WDR75: variants seen among roughly 807,000 people sequenced by gnomAD.
WDR75 encodes WD repeat-containing protein 75.
A neutral mutation model predicts 106.1 loss-of-function variants in WDR75; 52 were observed. The observed-to-expected ratio is 0.49, with a 90% CI of 0.39 to 0.62. WDR75 has a LOEUF of 0.62. WDR75 is among the 20% of genes least tolerant of loss of function. WDR75 has a pLI of 0.00. For missense variants in WDR75, 905 were observed against 970.3 expected, an observed-to-expected ratio of 0.93 and a Z score of 0.89; for synonymous variants, 333 against 335.5, an observed-to-expected ratio of 0.99 and a Z score of 0.08.
At chr2:189,455,259 T>G (rs1266246174) in intron 4 of WDR75, 61 bp from the exon 5 acceptor site, 1 of 1,555,674 alleles carries the variant, frequency 6.4e-7, no homozygotes, top group African/African-American at 1.4e-5. Flanking sequence ...AAGAATAAAT[T>G]CCTTACACAT....
intron 5 of WDR75, among the ~76,000 whole-genome samples, chr2:189,456,165 C>A (rs1169012893): frequency 1.3e-5 from 2 of 152,170 alleles, no homozygotes; most frequent in East Asian, 3.8e-4. Flanking sequence ...CAGCATTCTT[C>A]AGCATTGTTA....
Position 189,462,552 on chromosome 2 carries a change from A to G in WDR75, c.847A>G (p.Lys283Glu). The G allele has an allele frequency of 6.2e-7, 1 of 1,614,118 alleles. No homozygotes were observed. Among genetic ancestry groups the G allele is most frequent in the Admixed American group, 1.7e-5 (1 of 60,008 alleles). The change falls in exon 9 of 21, where the codon AAG becomes GAG. Residue 283 changes from lysine (K) to glutamate (E), a missense_variant. Lys to Glu is a moderately conservative substitution (Grantham distance 56). Transcript: ENST00000314761. ...VEWRDATEKN[K>E]EFLPRLGATI... is the part of the protein sequence containing the mutation. Reference sequence around the variant, plus strand: ...GTGGCGCGATGCAACAGAGAAGAATAAGGAGTTTCTCCCGCGTTTAGGAGC... The same window carrying G: ...GTGGCGCGATGCAACAGAGAAGAATGAGGAGTTTCTCCCGCGTTTAGGAGC...
intron 1 of WDR75, among the ~76,000 whole-genome samples, chr2:189,443,849 G>T (rs1686438410): frequency 6.6e-6 from 1 of 152,196 alleles, no homozygotes; most frequent in African/African-American, 2.4e-5. Flanking sequence ...GAAGAATAGA[G>T]ACCAGGGGTT....
At chr2:189,474,158 A>C (rs780699134) in intron 18 of WDR75, 28 bp from the exon 19 acceptor site, 2 of 1,588,710 alleles carry the variant, frequency 1.3e-6, no homozygotes, top group East Asian at 4.5e-5. Context: ...TTTCTGAAAT[A>C]ATTTCTCTTT....
chr2:189,449,845 C>T (rs1686579788), intron 2 of WDR75: 1 of 984,780 alleles, frequency 1.0e-6, no homozygotes, highest in East Asian at 1.1e-4. Context: ...TTCCTCTTCT[C>T]TGAGTCCATG....
At chr2:189,450,434 C>A in intron 2 of WDR75, 1 of 899,574 alleles carries the variant, frequency 1.1e-6, no homozygotes, top group Non-Finnish European at 1.3e-6. Flanking sequence ...TTGATCTCAG[C>A]TCACTGCAAC....
intron 15 of WDR75, 134 bp downstream of exon 15, chr2:189,468,703 A>T: frequency 1.3e-6 from 1 of 761,598 alleles, no homozygotes. Context: ...GTGACATATG[A>T]TGCCACCAAA....
intron 8 of WDR75, 132 bp from the exon 9 acceptor site, chr2:189,462,352 A>G: frequency 9.8e-7 from 1 of 1,020,908 alleles, no homozygotes; most frequent in East Asian, 2.5e-5. Context: ...AAAAGATACG[A>G]AGACACTTTT....
At chr2:189,450,855 A>T in intron 2 of WDR75, 48 bp from the exon 3 acceptor site, 1 of 1,595,188 alleles carries the variant, frequency 6.3e-7, no homozygotes, top group Non-Finnish European at 8.5e-7. Flanking sequence ...TGATATCTTG[A>T]TGAATTTCTT....
intron 13 of WDR75, 65 bp downstream of exon 13, chr2:189,466,647 T>C (rs534372614): frequency 6.7e-7 from 1 of 1,499,766 alleles, no homozygotes; most frequent in South Asian, 1.3e-5. Flanking sequence ...CTTTTTCTCA[T>C]GACTTGTATC....
intron 4 of WDR75, among the ~76,000 whole-genome samples, chr2:189,454,521 T>A (rs1215193008): frequency 6.8e-6 from 1 of 146,308 alleles, no homozygotes; most frequent in Non-Finnish European, 1.5e-5. Context: ...TGATTTGTAT[T>A]TCTTTTGTTT....
At chr2:189,451,751 A>G in intron 3 of WDR75, 54 bp from the exon 4 acceptor site, 1 of 1,474,062 alleles carries the variant, frequency 6.8e-7, no homozygotes, top group Non-Finnish European at 9.4e-7. Flanking sequence ...GATGGATCTT[A>G]TGTTCCACTG....
intron 8 of WDR75, among the ~76,000 whole-genome samples, chr2:189,461,393 A>C (rs1245695720): frequency 6.6e-6 from 1 of 152,158 alleles, no homozygotes; most frequent in Non-Finnish European, 1.5e-5. Context: ...TTTGAGGAGA[A>C]TTGATGTTTT....
chr2:189,454,332 A>G (rs77247626), intron 4 of WDR75, among the ~76,000 whole-genome samples: 9,856 of 152,260 alleles, frequency 0.065, 495 homozygotes, highest in African/African-American at 0.14. Flanking sequence ...AGAATGTGTC[A>G]GTATTACAGA....
At chr2:189,442,704 C>T (rs1054694789) in intron 1 of WDR75, among the ~76,000 whole-genome samples, 1 of 152,122 alleles carries the variant, frequency 6.6e-6, no homozygotes, top group East Asian at 1.9e-4. Context: ...CCCACCTGAA[C>T]CTCCCAAAGT....
intron 4 of WDR75, among the ~76,000 whole-genome samples, chr2:189,454,678 C>G (rs555271496): frequency 6.6e-6 from 1 of 151,982 alleles, no homozygotes; most frequent in Non-Finnish European, 1.5e-5. Flanking sequence ...CCCACCACCA[C>G]GCCTGGCTAA....
intron 1 of WDR75, 55 bp downstream of exon 1, chr2:189,441,633 G>A (rs1686367304): frequency 6.5e-7 from 1 of 1,535,444 alleles, no homozygotes; most frequent in African/African-American, 1.4e-5. Context: ...GTTTCTCGAG[G>A]GTCGGGGAGA....
At chr2:189,469,564 G>C in intron 16 of WDR75, 125 bp downstream of exon 16, 1 of 684,162 alleles carries the variant, frequency 1.5e-6, no homozygotes, top group Non-Finnish European at 2.5e-6. Flanking sequence ...TTGAGGCACG[G>C]CCCTTCTTTG....
chr2:189,468,503 T>G lies in WDR75; in HGVS notation c.1657T>G (p.Ser553Ala). ...RHLCFGRLTCSKYLLGATENG... is the reference protein window; with the variant it reads ...RHLCFGRLTCAKYLLGATENG... The stretch of plus-strand genomic sequence containing the variant: ...CCTTTGCTTTGGGAGATTGACGTGT[T>G]CAAAGTATCTACTTGGTGCTACTGA... Residue 553 changes from serine to alanine, a missense_variant, in exon 15 of 21, where the codon TCA becomes GCA. By Grantham distance (99) the Ser-to-Ala change is moderately conservative. Coordinates refer to ENST00000314761, the MANE Select transcript of WDR75 (RefSeq NM_032168.3). 2.5e-6 allele frequency: 4 copies of G among 1,613,434 alleles called. No individual in the cohort carries two copies. The highest frequency in any genetic ancestry group is 3.4e-6 in the Non-Finnish European group (4 of 1,179,480).
Sources: allele counts gnomAD v4.1 joint callset (sites outside exome capture counted in the v4.1 genomes callset), GRCh38; gene constraint gnomAD v4.1.1; transcripts MANE v1.5; gene names NCBI Gene and HGNC (gene_info 2026-07-23, HGNC 2026-07-21).